Variants in DOCK2 observed in about 807,000 individuals in gnomAD.
DOCK2 encodes dedicator of cytokinesis 2, also known as dedicator of cytokinesis protein 2.
Under a neutral mutation model 248.9 loss-of-function variants are expected in DOCK2, and 87 were observed. That is an observed-to-expected ratio of 0.35 (90% CI 0.29 to 0.42). The LOEUF (loss-of-function observed/expected upper bound fraction) is 0.42, where lower values mean the gene tolerates loss of function less well. Ranked by LOEUF, DOCK2 falls within the 10% of genes least tolerant of loss-of-function variation. The pLI is 1.00. For missense variants in DOCK2, 1,747 were observed against 2,300.2 expected, an observed-to-expected ratio of 0.76 and a Z score of 4.92; for synonymous variants, 805 against 821.6, an observed-to-expected ratio of 0.98 and a Z score of 0.35.
chr5:170,033,344 T>C (rs1452554192), intron 34 of DOCK2, among the ~76,000 whole-genome samples: 1 of 152,174 alleles, frequency 6.6e-6, no homozygotes, highest in Non-Finnish European at 1.5e-5. Flanking sequence ...TTTTAAAATT[T>C]AGAATATAAA....
At chr5:170,004,806 C>T (rs1754961390) in intron 30 of DOCK2, among the ~76,000 whole-genome samples, 1 of 148,660 alleles carries the variant, frequency 6.7e-6, no homozygotes, top group African/African-American at 2.5e-5. Flanking sequence ...TCTCAGTAAA[C>T]TATCGCAAGA....
chr5:169,971,587 A>G (rs1159142399), intron 27 of DOCK2, among the ~76,000 whole-genome samples: 1 of 152,202 alleles, frequency 6.6e-6, no homozygotes, highest in Non-Finnish European at 1.5e-5. Flanking sequence ...GATCAGCTTC[A>G]TAAAAGCCAG....
intron 36 of DOCK2, among the ~76,000 whole-genome samples, chr5:170,038,665 G>A (rs1225213665): frequency 1.3e-5 from 2 of 152,084 alleles, no homozygotes; most frequent in African/African-American, 4.8e-5. Context: ...CGTCCACCTC[G>A]CTCAAGCACC....
chr5:169,883,433 G>A, intron 27 of DOCK2: 2 of 1,551,684 alleles, frequency 1.3e-6, no homozygotes, highest in Non-Finnish European at 1.7e-6. Context: ...TCCTCAAGAT[G>A]CTGAGCCAAC....
chr5:169,658,285 C>T (rs1037347789), intron 2 of DOCK2, among the ~76,000 whole-genome samples: 1 of 151,852 alleles, frequency 6.6e-6, no homozygotes, highest in African/African-American at 2.4e-5. Context: ...TCGAGACCCT[C>T]CTGGCTAACA....
chr5:169,881,388 G>A lies in DOCK2; in HGVS notation c.2799+40536G>A, dbSNP rs1162568507. ...GGTACCTGTATATGATGCACGCCGT[G>A]TTCTGGCAGGTACTGCAATTGTTGA... On this transcript the variant is annotated intron_variant, in intron 27 of 51. Transcript: ENST00000520908. 1.9e-6 allele frequency: 3 copies of A among 1,551,514 alleles called. No homozygotes were observed. In the South Asian group the frequency reaches 3.6e-5, roughly 18 times the overall value.
At chr5:169,828,617 C>T (rs1488104394) in intron 26 of DOCK2, among the ~76,000 whole-genome samples, 3 of 152,064 alleles carry the variant, frequency 2.0e-5, no homozygotes, top group Non-Finnish European at 1.5e-5. Context: ...GAGGATAGAA[C>T]GTTGTATGTA....
At chr5:169,820,015 G>A (rs964410850) in intron 26 of DOCK2, among the ~76,000 whole-genome samples, 8 of 152,176 alleles carry the variant, frequency 5.3e-5, no homozygotes, top group South Asian at 2.1e-4. Context: ...ATGGAGCCTC[G>A]CTCGTTGCTA....
intron 1 of DOCK2, among the ~76,000 whole-genome samples, chr5:169,653,648 G>A (rs1757932290): frequency 6.6e-6 from 1 of 152,222 alleles, no homozygotes; most frequent in South Asian, 2.1e-4. Flanking sequence ...CTGCCTGCAG[G>A]AAGCCTCCTG....
intron 27 of DOCK2, among the ~76,000 whole-genome samples, chr5:169,899,250 C>T (rs1051442923): frequency 1.8e-4 from 27 of 152,270 alleles, no homozygotes; most frequent in African/African-American, 4.8e-4. Flanking sequence ...GCCTTCAGCA[C>T]GCCCAGACAG....
intron 29 of DOCK2, among the ~76,000 whole-genome samples, chr5:169,993,916 A>G: frequency 6.6e-6 from 1 of 152,188 alleles, no homozygotes; most frequent in East Asian, 1.9e-4. Context: ...GGGAGGGGAC[A>G]CTTCTTATAT....
intron 25 of DOCK2, among the ~76,000 whole-genome samples, chr5:169,794,848 G>A (rs527921277): frequency 1.4e-4 from 22 of 152,340 alleles, no homozygotes; most frequent in African/African-American, 4.3e-4. Context: ...GCATGAACCT[G>A]GGAGGCGAAG....
intron 27 of DOCK2, among the ~76,000 whole-genome samples, chr5:169,914,747 G>A (rs1774783835): frequency 6.6e-6 from 1 of 152,188 alleles, no homozygotes; most frequent in Non-Finnish European, 1.5e-5. Flanking sequence ...TGGTGGGGCA[G>A]GGTCTTTTAG....
intron 7 of DOCK2, among the ~76,000 whole-genome samples, chr5:169,682,612 A>G (rs981543340): frequency 6.6e-6 from 1 of 152,230 alleles, no homozygotes; most frequent in Non-Finnish European, 1.5e-5. Context: ...ATTTAAAAAA[A>G]TTATTTTAGC....
At chr5:169,991,489 C>G (rs1350217471) in intron 29 of DOCK2, among the ~76,000 whole-genome samples, 1 of 152,248 alleles carries the variant, frequency 6.6e-6, no homozygotes, top group Admixed American at 6.5e-5. Flanking sequence ...ACTGCGTTCT[C>G]CCTCCTTGTG....
At chr5:169,701,406 C>T (rs576586075) in intron 13 of DOCK2, among the ~76,000 whole-genome samples, 11 of 152,308 alleles carry the variant, frequency 7.2e-5, no homozygotes, top group African/African-American at 1.7e-4. Flanking sequence ...ATTTGTCTGG[C>T]GGTTGTCTCC....
At chr5:169,880,509 C>T (rs182458621) in intron 27 of DOCK2, among the ~76,000 whole-genome samples, 4 of 152,314 alleles carry the variant, frequency 2.6e-5, no homozygotes, top group Admixed American at 1.3e-4. Context: ...AATTAGATGT[C>T]GTCAACGGAA....
At chr5:169,972,722 T>C (rs1183791260) in intron 27 of DOCK2, among the ~76,000 whole-genome samples, 1 of 152,222 alleles carries the variant, frequency 6.6e-6, no homozygotes, top group Non-Finnish European at 1.5e-5. Context: ...CAATAAGTGC[T>C]AAATAAATAT....
intron 27 of DOCK2, among the ~76,000 whole-genome samples, chr5:169,961,151 G>A (rs1395909027): frequency 6.6e-6 from 1 of 152,202 alleles, no homozygotes; most frequent in African/African-American, 2.4e-5. Flanking sequence ...TCAGTCATAT[G>A]TCCTACAATT....
Sources: allele counts gnomAD v4.1 joint callset (sites outside exome capture counted in the v4.1 genomes callset), GRCh38; gene constraint gnomAD v4.1.1; transcripts MANE v1.5; gene names NCBI Gene and HGNC (gene_info 2026-07-23, HGNC 2026-07-21).